TACC1: variants seen among roughly 807,000 people sequenced by gnomAD.
TACC1 encodes transforming acidic coiled-coil containing protein 1, also known as transforming acidic coiled-coil-containing protein 1.
A neutral mutation model predicts 84.4 loss-of-function variants in TACC1; 48 were observed. The ratio of observed to expected loss-of-function variants is 0.57; its 90% CI spans 0.45 to 0.72. TACC1 has a LOEUF of 0.72. Among genes scored for constraint, TACC1 ranks in the 30% least tolerant of loss-of-function variants. The probability of loss-of-function intolerance (pLI) is 0.00; values close to 1 mark genes in which losing one functional copy is unlikely to be tolerated. For missense variants in TACC1, 920 were observed against 973.0 expected, an observed-to-expected ratio of 0.95 and a Z score of 0.72; for synonymous variants, 372 against 376.3, an observed-to-expected ratio of 0.99 and a Z score of 0.13.
At chr8:38,829,776 C>T (rs915231188) in intron 5 of TACC1, among the ~76,000 whole-genome samples, 2 of 152,160 alleles carry the variant, frequency 1.3e-5, no homozygotes, top group African/African-American at 4.8e-5. Context: ...TAGCAAACAG[C>T]AAGGGGAACA....
chr8:38,745,601 T>C (rs1807933260), intron 3 of TACC1: 1 of 599,114 alleles, frequency 1.7e-6, no homozygotes, highest in African/African-American at 1.9e-5. Context: ...TGGAGTGCAG[T>C]GGCGCAATCT....
chr8:38,827,088 T>A lies in TACC1; in HGVS notation c.1453-80T>A. On this transcript the variant is annotated intron_variant, in intron 4 of 12. Transcript: ENST00000317827. The stretch of plus-strand genomic sequence containing the variant: ...CATATCTGTATGGAGTTGTGTCTAC[T>A]TTGTTCCATTCATGGGATGTCACTT... 3 of 1,261,080 alleles carry A rather than the reference T, an allele frequency of 2.4e-6. No individual in the cohort carries two copies. The South Asian group carries it at 4.1e-5, about 17-fold the overall frequency. 78.1% of individuals were successfully genotyped at this position (1,261,080 alleles called of 1,614,324 possible).
chr8:38,790,493 G>T (rs1818390394), intron 2 of TACC1, among the ~76,000 whole-genome samples: 1 of 152,182 alleles, frequency 6.6e-6, no homozygotes, highest in Non-Finnish European at 1.5e-5. Flanking sequence ...AGGGACTCTA[G>T]GATGGAAGTC....
At chr8:38,777,995 A>G (rs1815166077) in intron 3 of TACC1, among the ~76,000 whole-genome samples, 1 of 152,220 alleles carries the variant, frequency 6.6e-6, no homozygotes, top group African/African-American at 2.4e-5. Flanking sequence ...AGATGGATAC[A>G]GGATGTGGGG....
In TACC1 at chr8:38,820,352, C is replaced by A. The variant is rs189395560; in HGVS notation, c.1108C>A (p.Pro370Thr). 1.9e-5 allele frequency: 31 copies of A among 1,614,092 alleles called. No individual in the cohort carries two copies. The Admixed American group carries it at 4.0e-4, about 21-fold the overall frequency. The change falls in exon 3 of 13, where the codon CCA becomes ACA. Residue 370 changes from proline (P) to threonine (T), a missense_variant. Physicochemically the swap from Pro to Thr is conservative, Grantham distance 38 (BLOSUM62 -1). Transcript: ENST00000317827. The stretch of plus-strand genomic sequence containing the variant: ...AGCAGGTTTAGAACAGCCTACAGAC[C>A]CAGTGGCACGAGACGGGCCTCTCTC... ...KSAGLEQPTD[P>T]VARDGPLSQT... is the part of the protein sequence containing the mutation.
intron 2 of TACC1, among the ~76,000 whole-genome samples, chr8:38,804,429 AGCTGGGATTACAGGCACCTGCCACCAT>A (rs1404206906): frequency 6.6e-6 from 1 of 152,014 alleles, no homozygotes; most frequent in East Asian, 1.9e-4. Flanking sequence ...CCTCCCAAGT[AGCTGGGATTACAGGCACCTGCCACCAT>A]GCCTGGCTAA....
At chr8:38,842,204 C>T in intron 9 of TACC1, 83 bp from the exon 10 acceptor site, 2 of 1,506,278 alleles carry the variant, frequency 1.3e-6, no homozygotes, top group Non-Finnish European at 1.8e-6. Context: ...GGCTGTGTCC[C>T]TACCACGAGA....
chr8:38,802,270 C>G (rs1486415300), intron 2 of TACC1: 1 of 152,216 alleles, frequency 6.6e-6, no homozygotes, highest in African/African-American at 2.4e-5. Flanking sequence ...AGCAGGGGTC[C>G]CCAACCCCTG....
chr8:38,745,761 C>T (rs2151708609), intron 3 of TACC1, among the ~76,000 whole-genome samples: 1 of 152,280 alleles, frequency 6.6e-6, no homozygotes. Context: ...TCAGGCTGGT[C>T]TTAAACTCCT....
chr8:38,781,373 G>A (rs900144423), intron 3 of TACC1, among the ~76,000 whole-genome samples: 2 of 150,088 alleles, frequency 1.3e-5, no homozygotes, highest in Admixed American at 6.7e-5. Flanking sequence ...TGTAGGAGAA[G>A]AAATATTCTT....
At position 38,848,889 on chromosome 8, in the gene TACC1, G is replaced by A. The variant is rs1361511423; in HGVS notation, c.*866G>A. 1 of 151,974 alleles carries A rather than the reference G, an allele frequency of 6.6e-6. No individual in the cohort carries two copies. The highest frequency in any genetic ancestry group is 2.1e-4 in the South Asian group (1 of 4,816). 9.4% of individuals were successfully genotyped at this position (151,974 alleles called of 1,614,324 possible). A position where few individuals can be genotyped will look rare whatever the true frequency, so the allele number is the denominator to read the frequency against. On this transcript the variant is annotated 3_prime_UTR_variant, in exon 13 of 13. Transcript: ENST00000317827. Reference sequence around the variant, plus strand: ...CTCCCTCCAAGCTAGGGTTTGGCAAGTCTGCCCTAGAGTCATTTACTCTCC... The same window carrying A: ...CTCCCTCCAAGCTAGGGTTTGGCAAATCTGCCCTAGAGTCATTTACTCTCC...
intron 3 of TACC1, among the ~76,000 whole-genome samples, chr8:38,760,026 T>C (rs1810900154): frequency 6.6e-6 from 1 of 151,324 alleles, no homozygotes; most frequent in South Asian, 2.1e-4. Flanking sequence ...AAATCTATTG[T>C]TCTTTTTTTA....
At chr8:38,783,580 C>T (rs969081117), upstream of TACC1, among the ~76,000 whole-genome samples, 3 of 152,092 alleles carry the variant, frequency 2.0e-5, no homozygotes, top group African/African-American at 7.2e-5. Flanking sequence ...TGCCACCACA[C>T]CTGGCTATTT....
chr8:38,761,663 T>G (rs986947844), intron 3 of TACC1, among the ~76,000 whole-genome samples: 66 of 152,370 alleles, frequency 4.3e-4, no homozygotes, highest in African/African-American at 1.5e-3. Flanking sequence ...TGTAAATTCA[T>G]TGCTTTCAAA....
intron 8 of TACC1, chr8:38,839,557 G>A (rs1364564020): frequency 1.6e-5 from 5 of 314,256 alleles, no homozygotes; most frequent in Non-Finnish European, 2.9e-5. Flanking sequence ...CTCTTAGAGA[G>A]CGGTAGCCAT....
In TACC1 at chr8:38,848,241, C is replaced by T. The variant is rs146746004; in HGVS notation, c.*218C>T. 2.6e-5 allele frequency: 11 copies of T among 415,750 alleles called. No homozygotes were observed. The East Asian group carries it at 3.7e-4, about 14-fold the overall frequency. The allele number at this position is 415,750 out of a possible 1,614,324, so 25.8% of individuals were successfully genotyped here. A position where few individuals can be genotyped will look rare whatever the true frequency, so the allele number is the denominator to read the frequency against. On this transcript the variant is annotated 3_prime_UTR_variant, in exon 13 of 13. Coordinates refer to ENST00000317827, the MANE Select transcript of TACC1 (RefSeq NM_006283.3). ...TAGTCTAGAAAGGAGTGTGACCTGA[C>T]AGTGCTGGAGCCTCCTAGTTTCCCC...
chr8:38,770,770 G>A (rs891657154), intron 3 of TACC1, among the ~76,000 whole-genome samples: 5 of 152,120 alleles, frequency 3.3e-5, no homozygotes, highest in Admixed American at 2.0e-4. Context: ...GGACTCCAGC[G>A]CCAGGAGTCT....
At chr8:38,768,850 G>T (rs962128661) in intron 3 of TACC1, among the ~76,000 whole-genome samples, 1 of 151,126 alleles carries the variant, frequency 6.6e-6, no homozygotes, top group African/African-American at 2.4e-5. Flanking sequence ...GTGGGTGGGG[G>T]TGTGTGGTGT....
intron 3 of TACC1, among the ~76,000 whole-genome samples, chr8:38,760,098 G>T (rs1312046781): frequency 6.6e-6 from 1 of 151,934 alleles, no homozygotes; most frequent in Non-Finnish European, 1.5e-5. Flanking sequence ...TGTCTTTTGA[G>T]GGAGAAAGTA....
Sources: gnomAD v4.1 joint callset for allele counts (sites outside exome capture counted in the v4.1 genomes callset) on GRCh38, gnomAD v4.1.1 for gene constraint, MANE v1.5 for transcripts, NCBI Gene and HGNC (gene_info 2026-07-23, HGNC 2026-07-21) for gene names.